Variants in NPHP1 observed in about 807,000 individuals in gnomAD.
NPHP1 encodes nephrocystin-1.
A neutral mutation model predicts 90.4 loss-of-function variants in NPHP1; 70 were observed. The ratio of observed to expected loss-of-function variants is 0.77; its 90% CI spans 0.64 to 0.95. The LOEUF (loss-of-function observed/expected upper bound fraction) is 0.95. NPHP1 is among the 40% of genes least tolerant of loss of function. The pLI is 0.00. For synonymous variants in NPHP1, 256 were observed against 271.7 expected (o/e 0.94, Z 0.57); for missense variants, 764 against 795.9 (o/e 0.96, Z 0.48).
intron 2 of NPHP1, among the ~76,000 whole-genome samples, chr2:110,196,220 C>A (rs545923909): frequency 2.0e-5 from 3 of 152,072 alleles, no homozygotes; most frequent in South Asian, 2.1e-4. Flanking sequence ...AACAGGCAAC[C>A]TACAGAATGG....
rs1682199462 is a variant in NPHP1, at chr2:110,160,121, C to T, written c.1083+6G>A. The T allele has an allele frequency of 1.9e-6, 3 of 1,612,528 alleles. No homozygotes were observed. Among genetic ancestry groups the T allele is most frequent in the Non-Finnish European group, 2.5e-6 (3 of 1,178,804 alleles). On this transcript the variant is annotated splice_donor_region_variant and intron_variant, in intron 11 of 19. Transcript: ENST00000445609. Reference sequence around the variant, plus strand: ...TATGAATTGATTTACTTCTCAGTAACCTTACCTTATTACCATCAAATAGAC... The same window carrying T: ...TATGAATTGATTTACTTCTCAGTAATCTTACCTTATTACCATCAAATAGAC...
intron 16 of NPHP1, among the ~76,000 whole-genome samples, chr2:110,136,270 G>A (rs1262943629): frequency 1.3e-5 from 2 of 152,104 alleles, no homozygotes; most frequent in Non-Finnish European, 2.9e-5. Context: ...CACAAGACAG[G>A]GATGTCCTCT....
chr2:110,198,476 C>T (rs897630657), intron 2 of NPHP1, among the ~76,000 whole-genome samples: 7 of 152,134 alleles, frequency 4.6e-5, no homozygotes, highest in Admixed American at 3.9e-4. Flanking sequence ...ATACTGATTA[C>T]GTTTAGATTT....
At chr2:110,147,442 G>T (rs562595316) in intron 13 of NPHP1, among the ~76,000 whole-genome samples, 1 of 152,072 alleles carries the variant, frequency 6.6e-6, no homozygotes, top group African/African-American at 2.4e-5. Flanking sequence ...GCTATTATTA[G>T]TATGTGGAAA....
intron 8 of NPHP1, 68 bp downstream of exon 8, chr2:110,164,620 A>T (rs1363092937): frequency 6.2e-7 from 1 of 1,611,766 alleles, no homozygotes; most frequent in South Asian, 1.1e-5. Flanking sequence ...CACAGTCTCC[A>T]TCCTATTTCG....
intron 11 of NPHP1, among the ~76,000 whole-genome samples, chr2:110,156,000 G>A (rs1681859096): frequency 6.6e-6 from 1 of 151,926 alleles, no homozygotes; most frequent in Non-Finnish European, 1.5e-5. Flanking sequence ...ATCTTGACTT[G>A]TAACTCCCTC....
At chr2:110,127,560 G>C (rs933906834) in intron 18 of NPHP1, 1 of 152,002 alleles carries the variant, frequency 6.6e-6, no homozygotes, top group East Asian at 1.9e-4. Context: ...GTATATAAAT[G>C]TATATATATT....
Position 110,146,829 on chromosome 2 carries a change from C to G in NPHP1, c.1276G>C (p.Gly426Arg), listed in dbSNP as rs773689440. ...CCACAGCTTAACTCTCCTCTTTCAC[C>G]AGTTGACTAGGAAATAAGACAAGTA... ...LGISYIRNST[G>R]ERGELSCGWV... is the part of the protein sequence containing the mutation. Residue 426 changes from glycine to arginine, a missense_variant, in exon 14 of 20, where the codon GGT becomes CGT. Transcript: ENST00000445609. The G allele has an allele frequency of 6.2e-7, 1 of 1,611,968 alleles. No individual in the cohort carries two copies. Among genetic ancestry groups the G allele is most frequent in the Non-Finnish European group, 8.5e-7 (1 of 1,178,090 alleles).
intron 16 of NPHP1, among the ~76,000 whole-genome samples, chr2:110,141,472 G>C (rs1680624852): frequency 6.6e-6 from 1 of 152,060 alleles, no homozygotes. Context: ...GGTACTGAGT[G>C]AGAAACTGAT....
At chr2:110,193,131 G>T (rs1280574795) in intron 2 of NPHP1, among the ~76,000 whole-genome samples, 2 of 152,154 alleles carry the variant, frequency 1.3e-5, no homozygotes, top group East Asian at 1.9e-4. Flanking sequence ...ACATCATAAT[G>T]ACAGGATCAA....
intron 2 of NPHP1, among the ~76,000 whole-genome samples, chr2:110,194,366 A>C (rs2104684497): frequency 6.6e-6 from 1 of 152,348 alleles, no homozygotes; most frequent in African/African-American, 2.4e-5. Context: ...CCATCAGAGA[A>C]TACTATAAAC....
At chr2:110,144,002 G>A in intron 15 of NPHP1, 1 of 332,008 alleles carries the variant, frequency 3.0e-6, no homozygotes, top group African/African-American at 2.1e-5. Flanking sequence ...TAGAGGGGTG[G>A]CTGAGGAGTG....
At chr2:110,170,167 C>G (rs1234588551) in intron 4 of NPHP1, among the ~76,000 whole-genome samples, 169 bp from the exon 5 acceptor site, 1 of 152,094 alleles carries the variant, frequency 6.6e-6, no homozygotes, top group Non-Finnish European at 1.5e-5. Context: ...AGACCGTGTG[C>G]CTGGAGAGAC....
At chr2:110,149,093 G>T (rs748840285) in intron 12 of NPHP1, among the ~76,000 whole-genome samples, 1 of 152,156 alleles carries the variant, frequency 6.6e-6, no homozygotes, top group Non-Finnish European at 1.5e-5. Flanking sequence ...GGTAATGTAC[G>T]TAAGAGCCTG....
Position 110,164,821 on chromosome 2 carries a change from G to A in NPHP1, c.729-91C>T, listed in dbSNP as rs371584609. Reference sequence around the variant, plus strand: ...CTTTAATCACAGTTGATAATCATCAGTAAGTTTTGAAAATCTAACAGTTTC... The same window carrying A: ...CTTTAATCACAGTTGATAATCATCAATAAGTTTTGAAAATCTAACAGTTTC... On this transcript the variant is annotated intron_variant, in intron 7 of 19. Coordinates refer to ENST00000445609, the MANE Select transcript of NPHP1 (RefSeq NM_001128178.3). 50 of 1,185,016 alleles carry A rather than the reference G, an allele frequency of 4.2e-5. 1 individual carries two copies. In the African/African-American group the frequency reaches 6.2e-4, roughly 15 times the overall value. The allele number at this position is 1,185,016 out of a possible 1,614,324, so 73.4% of individuals were successfully genotyped here. A position where few individuals can be genotyped will look rare whatever the true frequency, so the allele number is the denominator to read the frequency against.
chr2:110,133,979 C>T (rs1679981501), intron 16 of NPHP1, among the ~76,000 whole-genome samples: 1 of 151,590 alleles, frequency 6.6e-6, no homozygotes, highest in African/African-American at 2.4e-5. Flanking sequence ...ACTAGAAGAA[C>T]AAAACTAGCA....
At chr2:110,150,523 T>C (rs1018637081) in intron 11 of NPHP1, among the ~76,000 whole-genome samples, 9 of 152,102 alleles carry the variant, frequency 5.9e-5, no homozygotes, top group South Asian at 2.1e-4. Context: ...AGAAAAGTAA[T>C]TGAAATTTTA....
At chr2:110,163,368 C>T (rs556390933) in intron 8 of NPHP1, 101 of 526,834 alleles carry the variant, frequency 1.9e-4, no homozygotes, top group South Asian at 1.2e-3. Context: ...CTGTGTGTTC[C>T]GGAGCAGCTG....
chr2:110,134,923 A>G (rs1305140462), intron 16 of NPHP1, among the ~76,000 whole-genome samples: 1 of 152,174 alleles, frequency 6.6e-6, no homozygotes, highest in East Asian at 1.9e-4. Flanking sequence ...ATAAGGAACA[A>G]GACAAGGATC....
Sources: gnomAD v4.1 joint callset for allele counts (sites outside exome capture counted in the v4.1 genomes callset) on GRCh38, gnomAD v4.1.1 for gene constraint, MANE v1.5 for transcripts, NCBI Gene and HGNC (gene_info 2026-07-23, HGNC 2026-07-21) for gene names.